Variants in VWA5A observed in about 807,000 individuals in gnomAD.
VWA5A encodes von Willebrand factor A domain containing 5A.
In VWA5A, 77 loss-of-function variants were observed where a neutral mutation model predicts 84.6. The ratio of observed to expected loss-of-function variants is 0.91; its 90% CI spans 0.76 to 1.10. The LOEUF is 1.10. Ranked by LOEUF, VWA5A falls within the 50% of genes least tolerant of loss-of-function variation. VWA5A has a pLI of 0.00. For synonymous variants in VWA5A, 334 were observed against 350.1 expected (o/e 0.95, Z 0.51); for missense variants, 973 against 963.0 (o/e 1.01, Z -0.14).
At chr11:124,135,080 C>T (rs771199983) in intron 12 of VWA5A, 46 bp downstream of exon 12, 5 of 1,546,034 alleles carry the variant, frequency 3.2e-6, no homozygotes, top group Non-Finnish European at 4.4e-6. Flanking sequence ...GCAATCCAGA[C>T]CAAAGTGGAA....
rs1407944845 is a variant in VWA5A at position 124,116,919 on chromosome 11, C to G, written c.-16+239C>G. Among the ~76,000 whole-genome samples the G allele has an allele frequency of 2.6e-5, 4 of 152,168 alleles. No homozygotes were observed. In the East Asian group the frequency reaches 5.8e-4, roughly 22 times the overall value. On this transcript the variant is annotated intron_variant, in intron 2 of 18. Transcript: ENST00000456829. ...TAAATGGCCTGTGGCAGGAGTCCAT[C>G]TTGAATCACACAGCTTCTCACATGC...
intron 11 of VWA5A, among the ~76,000 whole-genome samples, chr11:124,125,288 T>C (rs1591359250): frequency 6.6e-6 from 1 of 152,134 alleles, no homozygotes; most frequent in African/African-American, 2.4e-5. Context: ...TTATGGTTTT[T>C]TTTTTTTTTC....
In VWA5A at chr11:124,136,303, C is replaced by A. The variant is rs769171584; in HGVS notation, c.1524+10C>A. The A allele has an allele frequency of 1.1e-5, 17 of 1,608,498 alleles. No homozygotes were observed. In the East Asian group the frequency reaches 3.6e-4, roughly 34 times the overall value. ...GACCGGGAGGATGCCAGTGAGTTCC[C>A]ATTCTTATTTGTTCCTCTAGTCAAA... On this transcript the variant is annotated intron_variant, in intron 13 of 18. Transcript: ENST00000456829.
chr11:124,126,707 C>T (rs562743598), intron 11 of VWA5A, among the ~76,000 whole-genome samples: 9 of 151,306 alleles, frequency 5.9e-5, no homozygotes, highest in South Asian at 2.1e-4. Context: ...TGCAGTGAGC[C>T]GAGATCACAC....
At chr11:124,132,485 GTGT>G (rs1279160285) in intron 11 of VWA5A, among the ~76,000 whole-genome samples, 1 of 151,872 alleles carries the variant, frequency 6.6e-6, no homozygotes, top group Non-Finnish European at 1.5e-5. Flanking sequence ...CATATTTTAT[GTGT>G]TCTTATTTTT....
At chr11:124,140,921 A>G (rs1001783657) in intron 15 of VWA5A, among the ~76,000 whole-genome samples, 14 of 152,326 alleles carry the variant, frequency 9.2e-5, no homozygotes, top group South Asian at 4.1e-4. Context: ...ACAATTCTGC[A>G]TAATAACAAG....
At chr11:124,142,814 CA>C (rs1217312075) in intron 17 of VWA5A, among the ~76,000 whole-genome samples, 2 of 152,054 alleles carry the variant, frequency 1.3e-5, no homozygotes, top group African/African-American at 4.8e-5. Context: ...AAAGGGAAAG[CA>C]AAAATCCTCT....
intron 11 of VWA5A, among the ~76,000 whole-genome samples, chr11:124,125,803 A>T (rs1170035654): frequency 7.2e-5 from 11 of 152,196 alleles, no homozygotes; most frequent in African/African-American, 2.7e-4. Context: ...GAAATACTCT[A>T]TAGTTTGCTC....
rs1860590910 is a variant in VWA5A, at chr11:124,136,596, T to C, written c.1547T>C (p.Val516Ala). 2 of 1,614,126 alleles carry C rather than the reference T, an allele frequency of 1.2e-6. No individual in the cohort carries two copies. The highest frequency in any genetic ancestry group is 1.7e-6 in the Non-Finnish European group (2 of 1,180,006). The stretch of plus-strand genomic sequence containing the variant: ...CAGGCAGCAGAGACAACAGGAGAAG[T>C]ATGCCTCAAATATACACTCCAGGGC... Reference protein sequence around the residue: ...RMPAAETTGEVCLKYTLQGKT... With the variant: ...RMPAAETTGEACLKYTLQGKT... The change falls in exon 14 of 19, where the codon GTA (valine) becomes GCA (alanine). Residue 516 changes from valine (V) to alanine (A), a missense_variant. Coordinates refer to ENST00000456829, the MANE Select transcript of VWA5A (RefSeq NM_001130142.2).
intron 9 of VWA5A, 51 bp downstream of exon 9, chr11:124,123,505 G>C: frequency 6.2e-7 from 1 of 1,605,700 alleles, no homozygotes; most frequent in Non-Finnish European, 8.5e-7. Context: ...TTTAAAGAAA[G>C]GGACTAAATT....
chr11:124,135,827 G>C (rs1425579821), intron 12 of VWA5A, among the ~76,000 whole-genome samples: 1 of 151,794 alleles, frequency 6.6e-6, no homozygotes, highest in East Asian at 1.9e-4. Context: ...ACCGCGCCCG[G>C]CCTCTGGTGG....
chr11:124,129,553 G>A (rs1009506138), intron 11 of VWA5A, among the ~76,000 whole-genome samples: 1 of 152,160 alleles, frequency 6.6e-6, no homozygotes, highest in Non-Finnish European at 1.5e-5. Flanking sequence ...CAGAAGGAAT[G>A]GTACCAGCTC....
In VWA5A at chr11:124,145,975, A is replaced by T; in HGVS notation, c.*30A>T. 1 of 1,560,244 alleles carries T rather than the reference A, an allele frequency of 6.4e-7. No individual in the cohort carries two copies. On this transcript the variant is annotated 3_prime_UTR_variant, in exon 19 of 19. Coordinates refer to ENST00000456829, the MANE Select transcript of VWA5A (RefSeq NM_001130142.2). The stretch of plus-strand genomic sequence containing the variant: ...ACCATCCAGAAAAAGAAGTGCCTTT[A>T]ATTTGCTACTGTCATTTCCTCTAGT...
Position 124,146,596 on chromosome 11 carries a change from G to A in VWA5A, c.*651G>A, listed in dbSNP as rs1400446021. On this transcript the variant is annotated 3_prime_UTR_variant, in exon 19 of 19. Transcript: ENST00000456829. ...TGGGTTGAACTATAACTGTTGGAGA[G>A]AGATGTTCCTCTTTAATCATGAAAC... is the stretch of plus-strand genomic sequence containing the variant. 1 of 152,308 alleles carries A rather than the reference G, an allele frequency of 6.6e-6. No homozygotes were observed. The highest frequency in any genetic ancestry group is 2.4e-5 in the African/African-American group (1 of 41,414). 9.4% of individuals were successfully genotyped at this position (152,308 alleles called of 1,614,324 possible).
intron 17 of VWA5A, among the ~76,000 whole-genome samples, chr11:124,143,372 G>T (rs1860764707): frequency 6.6e-6 from 1 of 152,166 alleles, no homozygotes; most frequent in African/African-American, 2.4e-5. Flanking sequence ...TGTGGAAGGA[G>T]ATCAAATAAA....
chr11:124,132,805 A>G (rs972706655), intron 11 of VWA5A, among the ~76,000 whole-genome samples: 2 of 152,000 alleles, frequency 1.3e-5, no homozygotes, highest in Admixed American at 6.6e-5. Flanking sequence ...CCTTGGGTTC[A>G]TTGGCCATCC....
chr11:124,132,717 A>G (rs904567742), intron 11 of VWA5A, among the ~76,000 whole-genome samples: 5 of 152,114 alleles, frequency 3.3e-5, no homozygotes, highest in Non-Finnish European at 5.9e-5. Flanking sequence ...GTTTGTTGGT[A>G]CTTTCTATCA....
At chr11:124,128,815 T>G (rs1865056527) in intron 11 of VWA5A, among the ~76,000 whole-genome samples, 1 of 152,216 alleles carries the variant, frequency 6.6e-6, no homozygotes, top group African/African-American at 2.4e-5. Flanking sequence ...TGTTTGTATT[T>G]TTGCACATTG....
At position 124,118,399 on chromosome 11, in the gene VWA5A, T is replaced by A; in HGVS notation, c.457T>A (p.Tyr153Asn). ...FVLPAVLNPR[Y>N]QFSGSSKDSC... ...GCTCCCAGCTGTCCTGAATCCTAGA[T>A]ACCAGTTCTCTGGTGAGTACCTCTC... The change falls in exon 5 of 19, where the codon TAC becomes AAC. Residue 153 changes from tyrosine (Y) to asparagine (N), a missense_variant. Physicochemically the swap from Tyr to Asn is moderately radical, Grantham distance 143. Coordinates refer to ENST00000456829, the MANE Select transcript of VWA5A (RefSeq NM_001130142.2). The A allele has an allele frequency of 1.9e-6, 3 of 1,614,224 alleles. No homozygotes were observed.
Sources: gnomAD v4.1 joint callset for allele counts (sites outside exome capture counted in the v4.1 genomes callset) on GRCh38, gnomAD v4.1.1 for gene constraint, MANE v1.5 for transcripts, NCBI Gene and HGNC (gene_info 2026-07-23, HGNC 2026-07-21) for gene names.